The following AGMO variants were observed in gnomAD, a reference collection of about 807,000 sequenced individuals.
AGMO encodes alkylglycerol monooxygenase.
AGMO carries 75 observed loss-of-function variants against 60.2 expected under a neutral mutation model. The observed-to-expected ratio is 1.25, with a 90% CI of 1.03 to 1.51. AGMO has a LOEUF of 1.51. Ranked by LOEUF, AGMO falls within the 40% of genes most tolerant of loss-of-function variation. The probability of loss-of-function intolerance (pLI) is 0.00; values close to 1 mark genes in which losing one functional copy is unlikely to be tolerated. For missense variants in AGMO, 763 were observed against 525.5 expected, an observed-to-expected ratio of 1.45 and a Z score of -4.42; for synonymous variants, 261 against 177.1, an observed-to-expected ratio of 1.47 and a Z score of -3.76.
chr7:15,377,932 A>G (rs1464677888), intron 10 of AGMO, among the ~76,000 whole-genome samples: 3 of 152,060 alleles, frequency 2.0e-5, no homozygotes, highest in South Asian at 4.1e-4. Flanking sequence ...GCTTTGGTCC[A>G]AAAAGAAATT....
At chr7:15,494,939 G>T (rs1189909770) in intron 3 of AGMO, among the ~76,000 whole-genome samples, 8 of 152,188 alleles carry the variant, frequency 5.3e-5, no homozygotes, top group Non-Finnish European at 1.2e-4. Flanking sequence ...TTCCTAAGAA[G>T]AAAGACATTT....
chr7:15,330,917 T>C (rs1344072835), intron 12 of AGMO, among the ~76,000 whole-genome samples: 3 of 152,066 alleles, frequency 2.0e-5, no homozygotes, highest in Non-Finnish European at 4.4e-5. Context: ...CCTCCCACAG[T>C]GAATTGGGAC....
At chr7:15,519,062 A>T (rs1342359911) in intron 3 of AGMO, among the ~76,000 whole-genome samples, 1 of 151,682 alleles carries the variant, frequency 6.6e-6, no homozygotes, top group South Asian at 2.1e-4. Flanking sequence ...AGAAGAAAGG[A>T]TATCAGAGAA....
intron 12 of AGMO, among the ~76,000 whole-genome samples, chr7:15,326,421 C>T (rs1051224244): frequency 6.6e-6 from 1 of 152,142 alleles, no homozygotes; most frequent in Non-Finnish European, 1.5e-5. Flanking sequence ...AGAATCCTCC[C>T]TCCTGAATAC....
At chr7:15,446,427 A>C (rs1024619254) in intron 3 of AGMO, among the ~76,000 whole-genome samples, 2 of 152,208 alleles carry the variant, frequency 1.3e-5, no homozygotes, top group Non-Finnish European at 2.9e-5. Context: ...CTGGTATTGC[A>C]GAGTTGCATA....
At chr7:15,325,921 C>T (rs6461167) in intron 12 of AGMO, among the ~76,000 whole-genome samples, 1 of 151,582 alleles carries the variant, frequency 6.6e-6, no homozygotes, top group East Asian at 1.9e-4. Context: ...AGGAAGAAGA[C>T]GGAGGAGGAG....
chr7:15,238,558 G>T (rs1782493809), intron 12 of AGMO, among the ~76,000 whole-genome samples: 1 of 151,126 alleles, frequency 6.6e-6, no homozygotes, highest in African/African-American at 2.4e-5. Flanking sequence ...TATTAATATA[G>T]CAATTAAAAT....
chr7:15,381,825 G>A (rs1314478826), intron 10 of AGMO, among the ~76,000 whole-genome samples: 1 of 152,170 alleles, frequency 6.6e-6, no homozygotes, highest in Non-Finnish European at 1.5e-5. Context: ...TATACACCAT[G>A]GAATACTATG....
chr7:15,341,778 A>G (rs753920592), intron 12 of AGMO, among the ~76,000 whole-genome samples: 2 of 152,126 alleles, frequency 1.3e-5, no homozygotes, highest in Non-Finnish European at 2.9e-5. Flanking sequence ...AGGCCTCACA[A>G]TCATGGCAGA....
intron 3 of AGMO, among the ~76,000 whole-genome samples, chr7:15,537,119 C>T (rs965771329): frequency 3.3e-5 from 5 of 152,040 alleles, no homozygotes; most frequent in African/African-American, 9.7e-5. Context: ...CTCCTGTTCC[C>T]ATTTGAAACA....
rs867940454 is a variant in AGMO, at chr7:15,530,938, G to A, written c.409+13834C>T. Among the ~76,000 whole-genome samples, 567 of 79,246 alleles carry A rather than the reference G, an allele frequency of 7.2e-3. 5 individuals carry two copies. Among genetic ancestry groups the A allele is most frequent in the African/African-American group, 0.024 (530 of 21,858 alleles). 52.0% of individuals were successfully genotyped at this position (79,246 alleles called of 152,430 possible). ...TTTATTTATTTTGAGATGGAGTTTC[G>A]CTCTTTTTTGAATACATATATATTC... is the stretch of plus-strand genomic sequence containing the variant. On this transcript the variant is annotated intron_variant, in intron 3 of 12. Transcript: ENST00000342526.
chr7:15,288,790 T>C (rs903872587), intron 12 of AGMO, among the ~76,000 whole-genome samples: 34 of 148,826 alleles, frequency 2.3e-4, no homozygotes, highest in African/African-American at 6.6e-4. Flanking sequence ...AGAAAAACTA[T>C]GCATGGAGAA....
chr7:15,269,598 G>A (rs1783534290), intron 12 of AGMO, among the ~76,000 whole-genome samples: 1 of 152,002 alleles, frequency 6.6e-6, no homozygotes, highest in Non-Finnish European at 1.5e-5. Context: ...GGCATGGACA[G>A]GAAGATTATT....
At chr7:15,498,771 TTTA>T (rs1309482620) in intron 3 of AGMO, among the ~76,000 whole-genome samples, 1 of 151,974 alleles carries the variant, frequency 6.6e-6, no homozygotes, top group East Asian at 1.9e-4. Context: ...TGGTTTCTGT[TTTA>T]TTGTGTTTTC....
At chr7:15,164,361 C>T in the AGMO span, among the ~76,000 whole-genome samples, 523 of 152,028 alleles carry the variant, frequency 3.4e-3, 3 homozygotes, top group African/African-American at 0.012. Context: ...ATCCCCAAAT[C>T]ACATGCAACA....
intron 12 of AGMO, among the ~76,000 whole-genome samples, chr7:15,285,803 T>C (rs1180936465): frequency 1.3e-5 from 2 of 152,056 alleles, no homozygotes; most frequent in Non-Finnish European, 2.9e-5. Context: ...AGGTATCACA[T>C]TACCCGACTT....
chr7:15,235,010 C>T (rs1782374191), intron 12 of AGMO, among the ~76,000 whole-genome samples: 2 of 152,096 alleles, frequency 1.3e-5, no homozygotes, highest in Non-Finnish European at 2.9e-5. Context: ...AAGATACTTG[C>T]AGTTCTCTGA....
intron 12 of AGMO, among the ~76,000 whole-genome samples, chr7:15,208,207 T>TA (rs1781489600): frequency 6.6e-6 from 1 of 152,142 alleles, no homozygotes; most frequent in African/African-American, 2.4e-5. Context: ...GACTTTTTCT[T>TA]AAACACTACA....
intron 12 of AGMO, among the ~76,000 whole-genome samples, chr7:15,321,135 T>C (rs1197348033): frequency 6.6e-6 from 1 of 152,178 alleles, no homozygotes; most frequent in Admixed American, 6.6e-5. Context: ...ATTGTAATTC[T>C]TAACTGAATT....
Sources: gnomAD v4.1 joint callset for allele counts (sites outside exome capture counted in the v4.1 genomes callset) on GRCh38, gnomAD v4.1.1 for gene constraint, MANE v1.5 for transcripts, NCBI Gene and HGNC (gene_info 2026-07-23, HGNC 2026-07-21) for gene names.